KCNIP4: variants seen among roughly 807,000 people sequenced by gnomAD.
KCNIP4 encodes Kv channel-interacting protein 4.
In KCNIP4, 12 loss-of-function variants were observed where a neutral mutation model predicts 34.0. The ratio of observed to expected loss-of-function variants is 0.35; its 90% CI spans 0.23 to 0.57. The LOEUF (loss-of-function observed/expected upper bound fraction) is 0.57. Ranked by LOEUF, KCNIP4 falls within the 20% of genes least tolerant of loss-of-function variation. KCNIP4 has a pLI of 0.83. For missense variants in KCNIP4, 238 were observed against 311.7 expected (o/e 0.76, Z 1.78); for synonymous variants, 124 against 102.2 (o/e 1.21, Z -1.29).
chr4:21,622,771 A>G (rs1378652726), intron 1 of KCNIP4, among the ~76,000 whole-genome samples: 1 of 152,196 alleles, frequency 6.6e-6, no homozygotes, highest in East Asian at 1.9e-4. Flanking sequence ...TCTCTCAAGG[A>G]AGGAGGAAGG....
intron 1 of KCNIP4, among the ~76,000 whole-genome samples, chr4:21,633,625 T>C (rs1050850920): frequency 6.6e-6 from 1 of 152,264 alleles, no homozygotes; most frequent in Admixed American, 6.5e-5. Context: ...TCCTACCTTA[T>C]TGAATGCAGT....
intron 1 of KCNIP4, among the ~76,000 whole-genome samples, chr4:21,565,795 G>A (rs1185530335): frequency 6.6e-6 from 1 of 152,114 alleles, no homozygotes; most frequent in Non-Finnish European, 1.5e-5. Flanking sequence ...AAAATGAGGA[G>A]TGCAGAGAGC....
intron 1 of KCNIP4, among the ~76,000 whole-genome samples, chr4:21,662,338 A>G (rs1338027734): frequency 1.3e-5 from 2 of 152,212 alleles, no homozygotes; most frequent in African/African-American, 4.8e-5. Flanking sequence ...AAAATGTCCA[A>G]AGTCACACAG....
At chr4:21,357,799 C>T (rs1298563797) in intron 1 of KCNIP4, among the ~76,000 whole-genome samples, 1 of 152,116 alleles carries the variant, frequency 6.6e-6, no homozygotes, top group Non-Finnish European at 1.5e-5. Context: ...TACCATTTGA[C>T]CCAGCCATCC....
intron 1 of KCNIP4, among the ~76,000 whole-genome samples, chr4:21,710,959 T>C (rs1713676167): frequency 6.6e-6 from 1 of 152,176 alleles, no homozygotes; most frequent in Non-Finnish European, 1.5e-5. Context: ...TGTACACATA[T>C]CCTCACAATA....
Position 21,715,080 on chromosome 4 carries a change from T to TTTTATTTTA in KCNIP4, c.61+233482_61+233490dup, listed in dbSNP as rs200587041. ...TTTTATTTTATTTTATTTTATTTTATTTTATTTTATTTATTTTTGAGATGG... is the reference window on the plus strand; with the variant it reads ...TTTTATTTTATTTTATTTTATTTTATTTTATTTTATTTATTTTATTTATTTTTGAGATGG... On this transcript the variant is annotated intron_variant, in intron 1 of 8. Transcript: ENST00000382152. Among the ~76,000 whole-genome samples, 31 of 32,148 alleles carry TTTTATTTTA rather than the reference T, an allele frequency of 9.6e-4. 8 individuals are homozygous for TTTTATTTTA. Among genetic ancestry groups the TTTTATTTTA allele is most frequent in the East Asian group, 5.1e-3 (2 of 396 alleles). The allele number at this position is 32,148 out of a possible 152,430, so 21.1% of individuals were successfully genotyped here. A position where few individuals can be genotyped will look rare whatever the true frequency, so the allele number is the denominator to read the frequency against.
intron 1 of KCNIP4, among the ~76,000 whole-genome samples, chr4:21,062,641 G>C (rs192624880): frequency 1.5e-3 from 224 of 152,182 alleles, no homozygotes; most frequent in Middle Eastern, 6.9e-3. Context: ...GCAAGCAGGA[G>C]AGCCAGGAGA....
intron 1 of KCNIP4, among the ~76,000 whole-genome samples, chr4:20,950,680 T>G (rs917348665): frequency 1.3e-5 from 2 of 152,038 alleles, no homozygotes; most frequent in Non-Finnish European, 2.9e-5. Flanking sequence ...TAGAGAGGCA[T>G]GCAATGTAGA....
intron 3 of KCNIP4, among the ~76,000 whole-genome samples, chr4:20,759,643 T>TAA (rs5856577): frequency 5.3e-5 from 8 of 151,542 alleles, no homozygotes; most frequent in South Asian, 2.1e-4. Context: ...TTTTTGCTAA[T>TAA]AAAAAAAAGA....
intron 1 of KCNIP4, among the ~76,000 whole-genome samples, chr4:21,814,377 G>A (rs74322677): frequency 2.0e-3 from 302 of 152,198 alleles, no homozygotes; most frequent in Middle Eastern, 0.01. Flanking sequence ...GAATTACAGG[G>A]ATGGGTCTTT....
At chr4:21,817,357 C>A (rs546123432) in intron 1 of KCNIP4, among the ~76,000 whole-genome samples, 1 of 152,184 alleles carries the variant, frequency 6.6e-6, no homozygotes, top group Non-Finnish European at 1.5e-5. Flanking sequence ...TACGTCATCT[C>A]AGGACCACTG....
intron 1 of KCNIP4, among the ~76,000 whole-genome samples, chr4:21,599,268 CT>C (rs1402439574): frequency 6.6e-6 from 1 of 151,942 alleles, no homozygotes; most frequent in East Asian, 1.9e-4. Context: ...TCTGTACAAC[CT>C]TTTGATTCTG....
chr4:21,505,861 G>A (rs909636683), intron 1 of KCNIP4, among the ~76,000 whole-genome samples: 1 of 152,126 alleles, frequency 6.6e-6, no homozygotes, highest in Non-Finnish European at 1.5e-5. Flanking sequence ...CCAGCACTTT[G>A]GGAGACTGAG....
chr4:21,370,850 TACAC>T (rs376590317), intron 1 of KCNIP4, among the ~76,000 whole-genome samples: 263 of 14,788 alleles, frequency 0.018, 8 homozygotes, highest in East Asian at 0.053. Context: ...TATATATATA[TACAC>T]ACACACACAC....
At chr4:21,354,688 C>T (rs549929704) in intron 1 of KCNIP4, among the ~76,000 whole-genome samples, 1 of 152,276 alleles carries the variant, frequency 6.6e-6, no homozygotes, top group African/African-American at 2.4e-5. Flanking sequence ...GATTCCCCCA[C>T]AGTAATAATG....
intron 2 of KCNIP4, among the ~76,000 whole-genome samples, chr4:20,880,154 T>C (rs1724513148): frequency 6.6e-6 from 1 of 152,202 alleles, no homozygotes; most frequent in South Asian, 2.1e-4. Context: ...TACATATACA[T>C]TGATGGGAAA....
chr4:21,159,103 G>C (rs890059045), intron 1 of KCNIP4, among the ~76,000 whole-genome samples: 7 of 152,126 alleles, frequency 4.6e-5, no homozygotes, highest in Admixed American at 6.6e-5. Flanking sequence ...AAATCAACAA[G>C]CTGATTTGAA....
rs190943321 is a variant in KCNIP4, at chr4:21,370,247, T to C, written c.62-487538A>G. On this transcript the variant is annotated intron_variant, in intron 1 of 8. Coordinates refer to ENST00000382152, the MANE Select transcript of KCNIP4 (RefSeq NM_025221.6). Reference sequence around the variant, plus strand: ...GGTGTATTAAAGACACAGGAAGCAGTAAGGAAAGTGACAAAAATAAATCAA... The same window carrying C: ...GGTGTATTAAAGACACAGGAAGCAGCAAGGAAAGTGACAAAAATAAATCAA... Among the ~76,000 whole-genome samples the C allele has an allele frequency of 2.9e-3, 423 of 147,360 alleles. 68 individuals carry two copies. The highest frequency in any genetic ancestry group is 0.011 in the African/African-American group (405 of 37,038).
intron 4 of KCNIP4, among the ~76,000 whole-genome samples, chr4:20,757,572 G>T (rs1029415314): frequency 1.3e-5 from 2 of 152,090 alleles, no homozygotes; most frequent in African/African-American, 4.8e-5. Context: ...TCCTGCAAAT[G>T]CCCATCTTCA....
Sources: allele counts gnomAD v4.1 joint callset (sites outside exome capture counted in the v4.1 genomes callset), GRCh38; gene constraint gnomAD v4.1.1; transcripts MANE v1.5; gene names NCBI Gene and HGNC (gene_info 2026-07-23, HGNC 2026-07-21).